The following KCNN3 variants were observed in gnomAD, a reference collection of about 807,000 sequenced individuals.
The protein encoded by KCNN3 is small conductance calcium-activated potassium channel protein 3.
In KCNN3, 16 loss-of-function variants were observed where a neutral mutation model predicts 62.9. The observed-to-expected ratio is 0.25, with a 90% CI of 0.17 to 0.39. The LOEUF (loss-of-function observed/expected upper bound fraction) is 0.39. Among genes scored for constraint, KCNN3 ranks in the 10% least tolerant of loss-of-function variants. The pLI, the probability that KCNN3 is intolerant of heterozygous loss-of-function variation, is 1.00. For synonymous variants in KCNN3, 370 were observed against 389.2 expected (o/e 0.95, Z 0.58); for missense variants, 599 against 949.4 (o/e 0.63, Z 4.85).
intron 3 of KCNN3, among the ~76,000 whole-genome samples, chr1:154,751,295 A>G (rs915823000): frequency 2.6e-5 from 4 of 152,080 alleles, no homozygotes; most frequent in African/African-American, 9.7e-5. Context: ...GTTTTTTTGG[A>G]TCACATTCTG....
At chr1:154,866,287 G>A (rs1396431402) in intron 1 of KCNN3, among the ~76,000 whole-genome samples, 1 of 152,152 alleles carries the variant, frequency 6.6e-6, no homozygotes, top group Non-Finnish European at 1.5e-5. Flanking sequence ...TAGATAACAG[G>A]AAAAAGATAT....
intron 1 of KCNN3, among the ~76,000 whole-genome samples, chr1:154,837,774 C>T (rs1303546201): frequency 6.6e-6 from 1 of 152,242 alleles, no homozygotes; most frequent in Non-Finnish European, 1.5e-5. Context: ...AGACATCTCA[C>T]AGATGTCACG....
intron 3 of KCNN3, among the ~76,000 whole-genome samples, chr1:154,768,113 A>C (rs145875223): frequency 4.7e-4 from 72 of 152,282 alleles, no homozygotes; most frequent in African/African-American, 1.7e-3. Context: ...TGGGCAAGTC[A>C]CTTACCCTCT....
chr1:154,725,787 C>A (rs1458668060), intron 5 of KCNN3, 129 bp downstream of exon 5: 1 of 714,574 alleles, frequency 1.4e-6, no homozygotes, highest in Non-Finnish European at 2.5e-6. Context: ...TTGTGATCGA[C>A]CCTCCTCAGC....
intron 1 of KCNN3, among the ~76,000 whole-genome samples, chr1:154,865,690 C>A (rs1652923937): frequency 6.6e-6 from 1 of 152,134 alleles, no homozygotes; most frequent in African/African-American, 2.4e-5. Flanking sequence ...TTCAAAAGAC[C>A]CAGGCCTGCA....
At chr1:154,778,264 G>A (rs1257120863) in intron 2 of KCNN3, among the ~76,000 whole-genome samples, 1 of 152,148 alleles carries the variant, frequency 6.6e-6, no homozygotes, top group Non-Finnish European at 1.5e-5. Context: ...TAGAGAAAAA[G>A]GAGAACTAAC....
chr1:154,800,844 A>T (rs1010596218), intron 2 of KCNN3, among the ~76,000 whole-genome samples: 1 of 152,082 alleles, frequency 6.6e-6, no homozygotes, highest in Non-Finnish European at 1.5e-5. Flanking sequence ...CACGAGTTTG[A>T]GACCAGGCTG....
chr1:154,782,719 C>A (rs563997198), intron 2 of KCNN3, among the ~76,000 whole-genome samples: 1 of 152,354 alleles, frequency 6.6e-6, no homozygotes, highest in South Asian at 2.1e-4. Context: ...CATACCATTT[C>A]ATTGCCATCT....
chr1:154,707,900 A>G lies in KCNN3; in HGVS notation c.*76T>C, dbSNP rs1699994987. 2.0e-6 allele frequency: 3 copies of G among 1,474,332 alleles called. No homozygotes were observed. The South Asian group carries it at 3.9e-5, about 19-fold the overall frequency. The allele number at this position is 1,474,332 out of a possible 1,614,324, so 91.3% of individuals were successfully genotyped here. A position where few individuals can be genotyped will look rare whatever the true frequency, so the allele number is the denominator to read the frequency against. On this transcript the variant is annotated 3_prime_UTR_variant, in exon 8 of 8. Coordinates refer to ENST00000271915, the MANE Select transcript of KCNN3 (RefSeq NM_002249.6). The stretch of plus-strand genomic sequence containing the variant: ...CGTTCCCTGGTCTGAATGTTTCTTG[A>G]TGGCAAAGCGACCAGGAGAGAGTTG...
At chr1:154,708,369 G>T in intron 7 of KCNN3, 97 bp from the exon 8 acceptor site, 1 of 1,230,526 alleles carries the variant, frequency 8.1e-7, no homozygotes, top group South Asian at 1.2e-5. Context: ...AGTATGACAG[G>T]AGCCACTTCC....
chr1:154,826,026 T>A (rs1651098623), intron 1 of KCNN3, among the ~76,000 whole-genome samples: 1 of 142,250 alleles, frequency 7.0e-6, no homozygotes, highest in Non-Finnish European at 1.5e-5. Context: ...CCAGCCTGGG[T>A]GAAGAGCGAG....
chr1:154,730,876 G>C (rs1388721718), intron 4 of KCNN3, among the ~76,000 whole-genome samples: 1 of 152,124 alleles, frequency 6.6e-6, no homozygotes, highest in African/African-American at 2.4e-5. Context: ...AGCAAAAGGG[G>C]GTGCTGAAAG....
intron 3 of KCNN3, among the ~76,000 whole-genome samples, chr1:154,756,204 G>GGAA (rs1217793237): frequency 7.0e-6 from 1 of 142,178 alleles, no homozygotes; most frequent in Non-Finnish European, 1.5e-5. Context: ...GGGAGGAGGA[G>GGAA]GGGTTGGGGA....
At position 154,713,392 on chromosome 1, in the gene KCNN3, G is replaced by C. The variant is rs1174083960; in HGVS notation, c.1899+72C>G. 6 of 1,279,684 alleles carry C rather than the reference G, an allele frequency of 4.7e-6. No homozygotes were observed. The East Asian group carries it at 1.4e-4, about 30-fold the overall frequency. 79.3% of individuals were successfully genotyped at this position (1,279,684 alleles called of 1,614,324 possible). A position where few individuals can be genotyped will look rare whatever the true frequency, so the allele number is the denominator to read the frequency against. ...CGCTGTCCAGTGCGAACCCAGCCAG[G>C]ACTCACAGGTGAGCCTGAGAAGACT... On this transcript the variant is annotated intron_variant, in intron 7 of 7. Coordinates refer to ENST00000271915, the MANE Select transcript of KCNN3 (RefSeq NM_002249.6).
At chr1:154,839,091 T>C (rs755524866) in intron 1 of KCNN3, among the ~76,000 whole-genome samples, 5 of 152,154 alleles carry the variant, frequency 3.3e-5, no homozygotes, top group Non-Finnish European at 7.4e-5. Context: ...GGGACCCAAG[T>C]AACACCCCCA....
intron 2 of KCNN3, among the ~76,000 whole-genome samples, chr1:154,778,745 G>A (rs1226011956): frequency 6.6e-6 from 1 of 151,040 alleles, no homozygotes; most frequent in Non-Finnish European, 1.5e-5. Flanking sequence ...GGGATAACAG[G>A]CACCCACAAC....
At chr1:154,713,434 T>C in intron 7 of KCNN3, 30 bp downstream of exon 7, 1 of 1,579,240 alleles carries the variant, frequency 6.3e-7, no homozygotes, top group Non-Finnish European at 8.7e-7. Flanking sequence ...CTGCGTGTTC[T>C]AGGGGATGTC....
chr1:154,783,351 C>T lies in KCNN3; in HGVS notation c.1030-10958G>A, dbSNP rs1417464250. ...GGTTCTATCCCTGGTGTCCACACCA[C>T]CTGGGAAACCCACATCGTTATCTGT... On this transcript the variant is annotated intron_variant, in intron 2 of 7. Transcript: ENST00000271915. Among the ~76,000 whole-genome samples the T allele has an allele frequency of 2.0e-5, 3 of 152,328 alleles. No individual in the cohort carries two copies. In the East Asian group the frequency reaches 5.8e-4, roughly 29 times the overall value.
intron 1 of KCNN3, among the ~76,000 whole-genome samples, chr1:154,865,569 A>C (rs1329846636): frequency 6.6e-6 from 1 of 152,172 alleles, no homozygotes; most frequent in Non-Finnish European, 1.5e-5. Context: ...ATCAGCACCT[A>C]CAGGCCTGTG....
Sources: allele counts gnomAD v4.1 joint callset (sites outside exome capture counted in the v4.1 genomes callset), GRCh38; gene constraint gnomAD v4.1.1; transcripts MANE v1.5; gene names NCBI Gene and HGNC (gene_info 2026-07-23, HGNC 2026-07-21).